TBC1D8: variants seen among roughly 807,000 people sequenced by gnomAD.
TBC1D8 encodes the protein BUB2-like protein 1.
TBC1D8 carries 65 observed loss-of-function variants against 118.8 expected under a neutral mutation model. That is an observed-to-expected ratio of 0.55 (90% confidence interval 0.45 to 0.67). The LOEUF is 0.67. TBC1D8 is among the 30% of genes least tolerant of loss of function. The probability of loss-of-function intolerance (pLI) is 0.00; values close to 1 mark genes in which losing one functional copy is unlikely to be tolerated. For synonymous variants in TBC1D8, 566 were observed against 595.8 expected, an observed-to-expected ratio of 0.95 and a Z score of 0.73; for missense variants, 1,376 against 1,471.2, an observed-to-expected ratio of 0.94 and a Z score of 1.06.
intron 19 of TBC1D8, among the ~76,000 whole-genome samples, chr2:101,008,638 C>T (rs1281521899): frequency 6.6e-6 from 1 of 151,922 alleles, no homozygotes; most frequent in Admixed American, 6.6e-5. Context: ...CATGGAGAAA[C>T]CCCATCTCTA....
intron 3 of TBC1D8, among the ~76,000 whole-genome samples, chr2:101,057,831 C>A (rs1470306203): frequency 6.6e-6 from 1 of 152,122 alleles, no homozygotes; most frequent in Non-Finnish European, 1.5e-5. Flanking sequence ...CTCAAAAAAA[C>A]AACCAACAAA....
intron 1 of TBC1D8, among the ~76,000 whole-genome samples, chr2:101,139,724 T>A (rs919664664): frequency 6.6e-6 from 1 of 152,100 alleles, no homozygotes; most frequent in African/African-American, 2.4e-5. Context: ...CAGACGGCTC[T>A]TTTCCCAACT....
chr2:101,082,235 T>C (rs1472839610), intron 2 of TBC1D8, among the ~76,000 whole-genome samples: 3 of 152,186 alleles, frequency 2.0e-5, no homozygotes, highest in Admixed American at 1.3e-4. Flanking sequence ...ACATCTCACA[T>C]AGGAACATGA....
intron 1 of TBC1D8, among the ~76,000 whole-genome samples, chr2:101,096,438 A>AAAC (rs1553417983): frequency 1.3e-5 from 2 of 149,740 alleles, no homozygotes; most frequent in African/African-American, 4.9e-5. Context: ...AAAAAAAAAA[A>AAAC]AAAAAAAAAC....
At chr2:101,066,245 C>T (rs1683006738) in intron 2 of TBC1D8, among the ~76,000 whole-genome samples, 1 of 152,076 alleles carries the variant, frequency 6.6e-6, no homozygotes, top group Non-Finnish European at 1.5e-5. Context: ...GATCACGCCA[C>T]TGCACTCCAG....
chr2:101,100,018 C>T (rs1676724698), intron 1 of TBC1D8, among the ~76,000 whole-genome samples: 1 of 152,090 alleles, frequency 6.6e-6, no homozygotes, highest in Non-Finnish European at 1.5e-5. Flanking sequence ...CCAGGGCAAT[C>T]AGACAAGAGA....
Position 101,130,125 on chromosome 2 carries a change from C to G in TBC1D8, c.127+21002G>C, listed in dbSNP as rs150245000. 3.7e-4 allele frequency among the ~76,000 whole-genome samples: 57 copies of G among 152,230 alleles called. 2 individuals are homozygous for G. In the East Asian group the frequency reaches 0.011, roughly 29 times the overall value. ...GGAGTCGCAACAATGAGTCGAGGGC[C>G]GGTCCTGCCATTGGGGTACTTGAAC... On this transcript the variant is annotated intron_variant, in intron 1 of 19. Coordinates refer to ENST00000409318, the MANE Select transcript of TBC1D8 (RefSeq NM_001330348.2).
At chr2:101,068,814 C>G (rs1032960882) in intron 2 of TBC1D8, among the ~76,000 whole-genome samples, 1 of 151,778 alleles carries the variant, frequency 6.6e-6, no homozygotes, top group Non-Finnish European at 1.5e-5. Flanking sequence ...GCCTGGCCAA[C>G]ATGGTGAAAC....
At chr2:101,079,872 G>C (rs1675146295) in intron 2 of TBC1D8, among the ~76,000 whole-genome samples, 1 of 151,778 alleles carries the variant, frequency 6.6e-6, no homozygotes, top group South Asian at 2.1e-4. Context: ...ATTTTTAGTA[G>C]AGACGGGGTT....
intron 2 of TBC1D8, among the ~76,000 whole-genome samples, chr2:101,074,549 A>G (rs929692738): frequency 1.3e-5 from 2 of 152,246 alleles, no homozygotes; most frequent in African/African-American, 4.8e-5. Flanking sequence ...CGTGAAACAC[A>G]ATAGAAGGAG....
chr2:101,027,993 T>TC (rs1263767034), intron 14 of TBC1D8, 55 bp downstream of exon 14: 1 of 1,530,540 alleles, frequency 6.5e-7, no homozygotes, highest in African/African-American at 1.4e-5. Context: ...GGATGCGCAC[T>TC]CCCAGGTTGG....
chr2:101,007,838 T>TAA lies in TBC1D8; in HGVS notation c.3449_3450dup (p.Lys1151LeufsTer3), dbSNP rs1418144358. ...CTGTCTTGCTACAAGTTACTCAGCT[T>TAA]AAGTTCAGATTGTGATTGGTGGCTC... On this transcript the variant is annotated frameshift_variant, in exon 20 of 20. Transcript: ENST00000409318. LOFTEE classifies it high-confidence loss of function. 1.9e-6 allele frequency: 3 copies of TAA among 1,613,550 alleles called. No homozygotes were observed. The highest frequency in any genetic ancestry group is 2.2e-5 in the East Asian group (1 of 44,900).
chr2:101,103,478 G>A (rs566717325), intron 1 of TBC1D8, among the ~76,000 whole-genome samples: 6 of 149,224 alleles, frequency 4.0e-5, no homozygotes, highest in South Asian at 2.1e-4. Context: ...TGCAAGCTCC[G>A]CCTCCCAGGT....
In TBC1D8 at chr2:101,090,105, G is replaced by A. The variant is rs1675924335; in HGVS notation, c.283+104C>T. On this transcript the variant is annotated intron_variant, in intron 2 of 19. Transcript: ENST00000409318. Reference sequence around the variant, plus strand: ...GGGAGTTAAGTTCCTGAAAGCAGATGAGGGAGTTATCCAAAGGGGTTACCT... The same window carrying A: ...GGGAGTTAAGTTCCTGAAAGCAGATAAGGGAGTTATCCAAAGGGGTTACCT... The A allele has an allele frequency of 1.6e-5, 20 of 1,263,936 alleles. No individual in the cohort carries two copies. In the South Asian group the frequency reaches 2.7e-4, roughly 17 times the overall value. The allele number at this position is 1,263,936 out of a possible 1,614,324, so 78.3% of individuals were successfully genotyped here. A position where few individuals can be genotyped will look rare whatever the true frequency, so the allele number is the denominator to read the frequency against.
intron 2 of TBC1D8, among the ~76,000 whole-genome samples, chr2:101,089,431 A>AT (rs1304506946): frequency 1.3e-5 from 2 of 152,104 alleles, no homozygotes; most frequent in Non-Finnish European, 2.9e-5. Flanking sequence ...TTAAAAAAAA[A>AT]AAAGATGTTT....
intron 1 of TBC1D8, among the ~76,000 whole-genome samples, chr2:101,135,856 T>C (rs1034692317): frequency 6.6e-6 from 1 of 152,182 alleles, no homozygotes; most frequent in Admixed American, 6.5e-5. Flanking sequence ...GTTTGTCTCA[T>C]ACAGGTCTCA....
chr2:101,027,913 C>G (rs1680432612), intron 14 of TBC1D8, 135 bp downstream of exon 14: 3 of 766,090 alleles, frequency 3.9e-6, no homozygotes, highest in Non-Finnish European at 6.6e-6. Flanking sequence ...ACTACTTCAC[C>G]CTTAAGTTGT....
chr2:101,078,990 A>AC (rs1675068646), intron 2 of TBC1D8, among the ~76,000 whole-genome samples: 1 of 152,056 alleles, frequency 6.6e-6, no homozygotes, highest in Admixed American at 6.6e-5. Flanking sequence ...GCCCCCGGGG[A>AC]CCTCATGGAA....
At chr2:101,096,813 G>A in intron 1 of TBC1D8, among the ~76,000 whole-genome samples, 1 of 151,412 alleles carries the variant, frequency 6.6e-6, no homozygotes, top group East Asian at 1.9e-4. Context: ...GAGAGAGAGA[G>A]AGAGAGACAG....
Sources: allele counts gnomAD v4.1 joint callset (sites outside exome capture counted in the v4.1 genomes callset), GRCh38; gene constraint gnomAD v4.1.1; transcripts MANE v1.5; gene names NCBI Gene and HGNC (gene_info 2026-07-23, HGNC 2026-07-21).